Variants in MXRA8 observed in about 807,000 individuals in gnomAD.
The protein encoded by MXRA8 is matrix remodeling associated 8.
A neutral mutation model predicts 51.4 loss-of-function variants in MXRA8; 44 were observed. The ratio of observed to expected loss-of-function variants is 0.86; its 90% CI spans 0.67 to 1.10. The LOEUF (loss-of-function observed/expected upper bound fraction) is 1.10. Ranked by LOEUF, MXRA8 falls within the 50% of genes least tolerant of loss-of-function variation. The pLI, the probability that MXRA8 is intolerant of heterozygous loss-of-function variation, is 0.00. For synonymous variants in MXRA8, 369 were observed against 293.5 expected, an observed-to-expected ratio of 1.26 and a Z score of -2.63; for missense variants, 765 against 638.9, an observed-to-expected ratio of 1.20 and a Z score of -2.13.
rs1423346916 is a variant in MXRA8 at position 1,355,612 on chromosome 1, C to T, written c.214G>A (p.Val72Met). 6.8e-7 allele frequency: 1 copy of T among 1,468,746 alleles called. No individual in the cohort carries two copies. The highest frequency in any genetic ancestry group is 1.3e-5 in the South Asian group (1 of 77,058). 91.0% of individuals were successfully genotyped at this position (1,468,746 alleles called of 1,614,324 possible). A position where few individuals can be genotyped will look rare whatever the true frequency, so the allele number is the denominator to read the frequency against. ...TQDRLHDRQR[V>M]LHWDLRGPGG... ...GGGCCGCGCAGGTCCCAGTGGAGCA[C>T]GCGCTGGCGGTCGTGCAGCCGGTCC... Residue 72 changes from valine to methionine, a missense_variant, in exon 3 of 10, where the codon GTG becomes ATG. Physicochemically the swap from Val to Met is conservative, Grantham distance 21. Transcript: ENST00000309212.
chr1:1,356,917 AGGGCAT>A (rs1644145909), intron 1 of MXRA8, among the ~76,000 whole-genome samples: 1 of 151,998 alleles, frequency 6.6e-6, no homozygotes, highest in Non-Finnish European at 1.5e-5. Context: ...TGGGGAAGCC[AGGGCAT>A]GGGCGTGGGC....
Position 1,353,853 on chromosome 1 carries a change from T to C in MXRA8, c.1298A>G (p.Asp433Gly), listed in dbSNP as rs746600719. ...SPLPAKYIDL[D>G]KGFRKENCK ...AGGTCGCCCCCGCCGCTCACCTTTG[T>C]CTAGGTCGATGTACTTGGCAGGCAG... The change falls in exon 9 of 10, where the codon GAC becomes GGC. Residue 433 changes from aspartate (D) to glycine (G), a missense_variant. Asp to Gly is a moderately conservative substitution (Grantham distance 94). Transcript: ENST00000309212. 6.3e-7 allele frequency: 1 copy of C among 1,596,578 alleles called. No homozygotes were observed. Among genetic ancestry groups the C allele is most frequent in the African/African-American group, 1.3e-5 (1 of 74,748 alleles).
chr1:1,353,767 C>A, intron 9 of MXRA8, 81 bp downstream of exon 9: 1 of 1,480,512 alleles, frequency 6.8e-7, no homozygotes. Flanking sequence ...CTGGCTGGTG[C>A]CTGCCATCGT....
chr1:1,358,997 T>C (rs1484686760), upstream of MXRA8: 5 of 985,318 alleles, frequency 5.1e-6, no homozygotes, highest in Admixed American at 1.2e-4. Context: ...CCACCCACGG[T>C]GCACGCTGGT....
At position 1,358,441 on chromosome 1, in the gene MXRA8, G is replaced by A; in HGVS notation, c.49+15C>T. 3.8e-6 allele frequency: 6 copies of A among 1,596,330 alleles called. No homozygotes were observed. Among genetic ancestry groups the A allele is most frequent in the Non-Finnish European group, 5.1e-6 (6 of 1,169,186 alleles). ...CGTGCCACCCCCCACCCGCCTCCCAGGGCCCCACACTCACTCTGCAGAAGC... is the reference window on the plus strand; with the variant it reads ...CGTGCCACCCCCCACCCGCCTCCCAAGGCCCCACACTCACTCTGCAGAAGC... On this transcript the variant is annotated intron_variant, in intron 1 of 9. Coordinates refer to ENST00000309212, the MANE Select transcript of MXRA8 (RefSeq NM_032348.4).
At chr1:1,359,217 T>TC, upstream of MXRA8, 1 of 985,242 alleles carries the variant, frequency 1.0e-6, no homozygotes, top group Non-Finnish European at 1.2e-6. Context: ...TGAGCAGACC[T>TC]CTCCCTGCTG....
intron 9 of MXRA8, 94 bp from the exon 10 acceptor site, chr1:1,353,723 G>A (rs1644052447): frequency 2.7e-6 from 4 of 1,475,342 alleles, no homozygotes; most frequent in South Asian, 1.3e-5. Context: ...ACTCCCCAGG[G>A]ATTTCTGAGC....
At chr1:1,359,142 T>A (rs1644188887), upstream of MXRA8, 1 of 985,218 alleles carries the variant, frequency 1.0e-6, no homozygotes, top group African/African-American at 1.7e-5. Flanking sequence ...TAGTCCCCTT[T>A]ACAACCTGGA....
chr1:1,362,032 C>G (rs1461485260), upstream of MXRA8, among the ~76,000 whole-genome samples: 4 of 152,222 alleles, frequency 2.6e-5, no homozygotes, highest in Non-Finnish European at 1.5e-5. Flanking sequence ...TCCGTTATAG[C>G]CGCTTGTGGC....
At chr1:1,360,480 A>T (rs1012470751), upstream of MXRA8, among the ~76,000 whole-genome samples, 3 of 74,344 alleles carry the variant, frequency 4.0e-5, no homozygotes, top group Admixed American at 5.1e-4. Flanking sequence ...CTGGGCTGGG[A>T]CTGTGGAGCC....
rs148621604 is a variant in MXRA8, at chr1:1,353,066, A to G, written c.*538T>C. The G allele has an allele frequency of 2.4e-3, 1,453 of 610,800 alleles. 16 individuals are homozygous for G. The African/African-American group carries it at 0.024, about 10-fold the overall frequency. The allele number at this position is 610,800 out of a possible 1,614,324, so 37.8% of individuals were successfully genotyped here. ...GAACAGATGGTGCCTGGAGTCCCAC[A>G]TGGTGGTACAGGTGGGGGAGCTCTC... On this transcript the variant is annotated 3_prime_UTR_variant, in exon 10 of 10. Transcript: ENST00000309212.
At chr1:1,359,427 C>A, upstream of MXRA8, 1 of 985,450 alleles carries the variant, frequency 1.0e-6, no homozygotes, top group Non-Finnish European at 1.2e-6. Flanking sequence ...AACCCAACTC[C>A]TTCTAATCAA....
chr1:1,358,911 TGA>T, upstream of MXRA8: 1 of 1,003,360 alleles, frequency 1.0e-6, no homozygotes, highest in Non-Finnish European at 1.2e-6. Flanking sequence ...TCCCCCCACG[TGA>T]GCCACCTCAG....
Position 1,354,989 on chromosome 1 carries a change from G to A in MXRA8, c.642C>T (p.Val214=), listed in dbSNP as rs1403683163. 3 of 1,598,232 alleles carry A rather than the reference G, an allele frequency of 1.9e-6. No individual in the cohort carries two copies. Among genetic ancestry groups the A allele is most frequent in the African/African-American group, 2.7e-5 (2 of 74,608 alleles). The stretch of plus-strand genomic sequence containing the variant: ...GCAGGCGGTCCGCGCGGTCGTGCGG[G>A]ACCCCGGGCGGCTGCCGGTCCCAGT... ...VVHWDRQPPG[V]PHDRADRLLD... The change falls in exon 5 of 10, where the codon GTC becomes GTT. Residue 214 remains valine, a synonymous_variant. Coordinates refer to ENST00000309212, the MANE Select transcript of MXRA8 (RefSeq NM_032348.4).
intron 1 of MXRA8, among the ~76,000 whole-genome samples, chr1:1,357,316 G>A (rs920259916): frequency 1.2e-4 from 19 of 152,122 alleles, no homozygotes; most frequent in African/African-American, 4.3e-4. Context: ...GCTGCCACCC[G>A]GGACAGTTTC....
Position 1,354,859 on chromosome 1 carries a change from G to A in MXRA8, c.772C>T (p.Arg258Cys). ...TCGGCGACCTCCAGCGGCTCGATAC[G>A]CAGTGAGAAGTCACCGCGCTCAAAG... is the stretch of plus-strand genomic sequence containing the variant. ...DAFERGDFSL[R>C]IEPLEVADEG... Residue 258 changes from arginine to cysteine, a missense_variant, in exon 5 of 10, where the codon CGT becomes TGT. Physicochemically the swap from Arg to Cys is radical, Grantham distance 180. Transcript: ENST00000309212. 3 of 1,611,942 alleles carry A rather than the reference G, an allele frequency of 1.9e-6. No homozygotes were observed. Among genetic ancestry groups the A allele is most frequent in the Admixed American group, 1.7e-5 (1 of 59,982 alleles).
chr1:1,355,614 C>G lies in MXRA8; in HGVS notation c.212G>C (p.Arg71Pro). 1 of 1,467,798 alleles carries G rather than the reference C, an allele frequency of 6.8e-7. No homozygotes were observed. The highest frequency in any genetic ancestry group is 9.0e-7 in the Non-Finnish European group (1 of 1,116,004). 90.9% of individuals were successfully genotyped at this position (1,467,798 alleles called of 1,614,324 possible). Reference protein sequence around the residue: ...WTQDRLHDRQRVLHWDLRGPG... With the variant: ...WTQDRLHDRQPVLHWDLRGPG... ...GCCGCGCAGGTCCCAGTGGAGCACG[C>G]GCTGGCGGTCGTGCAGCCGGTCCTG... Residue 71 changes from arginine to proline, a missense_variant, in exon 3 of 10, where the codon CGC (arginine) becomes CCC (proline). Physicochemically the swap from Arg to Pro is moderately radical, Grantham distance 103. Coordinates refer to ENST00000309212, the MANE Select transcript of MXRA8 (RefSeq NM_032348.4).
At chr1:1,362,239 T>C (rs1375552206), upstream of MXRA8, among the ~76,000 whole-genome samples, 2 of 152,198 alleles carry the variant, frequency 1.3e-5, no homozygotes, top group Non-Finnish European at 2.9e-5. Flanking sequence ...CTCCTCCTCC[T>C]GGACAACAGA....
intron 2 of MXRA8, among the ~76,000 whole-genome samples, chr1:1,356,200 A>G (rs1569796523): frequency 4.2e-4 from 6 of 14,182 alleles, no homozygotes; most frequent in African/African-American, 3.2e-4. Flanking sequence ...TCATTGGGGG[A>G]GTGGTGGACC....
Sources: allele counts gnomAD v4.1 joint callset (sites outside exome capture counted in the v4.1 genomes callset), GRCh38; gene constraint gnomAD v4.1.1; transcripts MANE v1.5; gene names NCBI Gene and HGNC (gene_info 2026-07-23, HGNC 2026-07-21).